GLDC: variants seen among roughly 807,000 people sequenced by gnomAD.
The protein encoded by GLDC is glycine dehydrogenase (decarboxylating), mitochondrial.
In GLDC, 104 loss-of-function variants were observed where a neutral mutation model predicts 121.3. That is an observed-to-expected ratio of 0.86 (90% confidence interval 0.73 to 1.01). The LOEUF is 1.01. Among genes scored for constraint, GLDC ranks in the 50% least tolerant of loss-of-function variants. The pLI is 0.00. For missense variants in GLDC, 1,429 were observed against 1,306.6 expected (o/e 1.09, Z -1.44); for synonymous variants, 546 against 480.6 (o/e 1.14, Z -1.78).
chr9:6,640,908 G>A (rs545354281), intron 2 of GLDC, among the ~76,000 whole-genome samples: 252 of 152,240 alleles, frequency 1.7e-3, no homozygotes, highest in African/African-American at 5.9e-3. Flanking sequence ...ACTAATAAGG[G>A]CACCATTCAG....
intron 4 of GLDC, among the ~76,000 whole-genome samples, chr9:6,608,732 C>T (rs1017020597): frequency 5.3e-5 from 8 of 151,674 alleles, no homozygotes; most frequent in Admixed American, 1.3e-4. Flanking sequence ...GGCGAAAGAG[C>T]GAGACTCCGT....
intron 23 of GLDC, 132 bp from the exon 24 acceptor site, chr9:6,534,920 G>C: frequency 1.5e-6 from 1 of 688,424 alleles, no homozygotes; most frequent in Non-Finnish European, 2.7e-6. Context: ...CAATTTAGGG[G>C]GGTACAATGT....
At chr9:6,535,012 G>A (rs563377407) in intron 23 of GLDC, among the ~76,000 whole-genome samples, 32 of 152,276 alleles carry the variant, frequency 2.1e-4, no homozygotes, top group Non-Finnish European at 4.1e-4. Flanking sequence ...AGTCTAATGA[G>A]CATTCTGTCA....
chr9:6,608,339 G>A (rs1328378152), intron 4 of GLDC, among the ~76,000 whole-genome samples: 21 of 150,498 alleles, frequency 1.4e-4, no homozygotes, highest in African/African-American at 4.9e-4. Flanking sequence ...GGAGAATGAC[G>A]TGAACCCAGG....
At chr9:6,622,005 C>A (rs916284559) in intron 2 of GLDC, among the ~76,000 whole-genome samples, 4 of 152,088 alleles carry the variant, frequency 2.6e-5, no homozygotes, top group African/African-American at 7.2e-5. Context: ...TTTCCTCTAT[C>A]AGAGAAAAAC....
At chr9:6,626,697 A>G (rs561703190) in intron 2 of GLDC, among the ~76,000 whole-genome samples, 1 of 152,302 alleles carries the variant, frequency 6.6e-6, no homozygotes, top group South Asian at 2.1e-4. Flanking sequence ...AAGAAAACCC[A>G]TTCTCTCATA....
chr9:6,612,172 TAC>T (rs33971598), intron 3 of GLDC, among the ~76,000 whole-genome samples: 31,118 of 150,890 alleles, frequency 0.21, 3,513 homozygotes, highest in East Asian at 0.42. Context: ...TTCTGTTGTA[TAC>T]ACACACACAC....
At chr9:6,638,973 C>G (rs76817176) in intron 2 of GLDC, among the ~76,000 whole-genome samples, 364 of 151,640 alleles carry the variant, frequency 2.4e-3, no homozygotes, top group African/African-American at 8.5e-3. Context: ...CGTGCCACTG[C>G]ACTCTAGCCT....
chr9:6,610,801 T>C (rs1270264769), intron 3 of GLDC, among the ~76,000 whole-genome samples: 5 of 152,314 alleles, frequency 3.3e-5, no homozygotes, highest in South Asian at 4.1e-4. Flanking sequence ...GGTTTTGTCA[T>C]GTTACCCAAG....
At position 6,606,586 on chromosome 9, in the gene GLDC, A is replaced by G; in HGVS notation, c.713+6T>C. On this transcript the variant is annotated splice_donor_region_variant and intron_variant, in intron 5 of 24. Transcript: ENST00000321612. ...CTGAGTTTAAAACACGAATCAAATT[A>G]ATTACTTGGCTCGAGTCTGGACAAC... 6.5e-7 allele frequency: 1 copy of G among 1,538,196 alleles called. No individual in the cohort carries two copies. Among genetic ancestry groups the G allele is most frequent in the Non-Finnish European group, 9.0e-7 (1 of 1,110,940 alleles).
In GLDC at chr9:6,592,361, G is replaced by A. The variant is rs1282504190; in HGVS notation, c.1402-138C>T. 3.1e-5 allele frequency: 22 copies of A among 707,076 alleles called. 2 individuals are homozygous for A. Among genetic ancestry groups the A allele is most frequent in the South Asian group, 2.9e-4 (19 of 66,224 alleles). 43.8% of individuals were successfully genotyped at this position (707,076 alleles called of 1,614,324 possible). A position where few individuals can be genotyped will look rare whatever the true frequency, so the allele number is the denominator to read the frequency against. On this transcript the variant is annotated intron_variant, in intron 10 of 24. Transcript: ENST00000321612. ...AATATCAGGGTACAATTATCTCCAC[G>A]CTAAGGCTTAGAGGAAGGTGGCTAG... is the stretch of plus-strand genomic sequence containing the variant.
chr9:6,538,151 C>T lies in GLDC; in HGVS notation c.2665+1900G>A, dbSNP rs185766343. On this transcript the variant is annotated intron_variant, in intron 22 of 24. Coordinates refer to ENST00000321612, the MANE Select transcript of GLDC (RefSeq NM_000170.3). ...AAGAGAACAAGCTGATTACCTATCA[C>T]GTCTGCCCTTAATTCCATGTGTGAG... Among the ~76,000 whole-genome samples, 30 of 151,680 alleles carry T rather than the reference C, an allele frequency of 2.0e-4. No individual in the cohort carries two copies. In the East Asian group the frequency reaches 5.0e-3, roughly 25 times the overall value.
chr9:6,631,140 A>C (rs1819368897), intron 2 of GLDC, among the ~76,000 whole-genome samples: 1 of 152,220 alleles, frequency 6.6e-6, no homozygotes, highest in Non-Finnish European at 1.5e-5. Context: ...TGGGGCTCTG[A>C]GTCTCCTTGC....
Position 6,536,228 on chromosome 9 carries a change from C to A in GLDC, c.2674G>T (p.Ala892Ser). 1 of 1,613,470 alleles carries A rather than the reference C, an allele frequency of 6.2e-7. No individual in the cohort carries two copies. Among genetic ancestry groups the A allele is most frequent in the Non-Finnish European group, 8.5e-7 (1 of 1,179,754 alleles). Residue 892 changes from alanine to serine, a missense_variant, in exon 23 of 25, where the codon GCC becomes TCC. Coordinates refer to ENST00000321612, the MANE Select transcript of GLDC (RefSeq NM_000170.3). ...AKRLQDYGFH[A>S]PTMSWPVAGT... ...GCCACAGGCCAGGACATGGTAGGGG[C>A]GTGAAATCCTGCAAAGGGAGACAGG...
At chr9:6,568,573 C>A (rs759739266) in intron 15 of GLDC, among the ~76,000 whole-genome samples, 1 of 152,260 alleles carries the variant, frequency 6.6e-6, no homozygotes, top group African/African-American at 2.4e-5. Context: ...CCATGCCGGG[C>A]GTGGTGGCTC....
intron 7 of GLDC, 147 bp from the exon 8 acceptor site, chr9:6,602,352 G>A (rs118187583): frequency 8.9e-6 from 6 of 672,416 alleles, no homozygotes; most frequent in South Asian, 3.1e-5. Flanking sequence ...ATTTCTAAAC[G>A]TTCCTCATCT....
intron 2 of GLDC, among the ~76,000 whole-genome samples, chr9:6,644,339 G>C (rs1819694747): frequency 1.3e-5 from 2 of 151,976 alleles, no homozygotes; most frequent in African/African-American, 2.4e-5. Context: ...GGGAAGTGGG[G>C]AATCTGCTAC....
chr9:6,610,411 C>G (rs1818828201), intron 3 of GLDC, 55 bp from the exon 4 acceptor site: 39 of 1,563,448 alleles, frequency 2.5e-5, no homozygotes, highest in Non-Finnish European at 3.3e-5. Flanking sequence ...GAGAAGCACA[C>G]AAAATGCTAT....
At chr9:6,554,560 T>G in intron 19 of GLDC, 109 bp downstream of exon 19, 1 of 820,612 alleles carries the variant, frequency 1.2e-6, no homozygotes, top group Non-Finnish European at 2.1e-6. Flanking sequence ...ACTACACCGA[T>G]GAGGGTATCC....
Sources: gnomAD v4.1 joint callset for allele counts (sites outside exome capture counted in the v4.1 genomes callset) on GRCh38, gnomAD v4.1.1 for gene constraint, MANE v1.5 for transcripts, NCBI Gene and HGNC (gene_info 2026-07-23, HGNC 2026-07-21) for gene names.